The following CSF3R variants were observed in gnomAD, a reference collection of about 807,000 sequenced individuals.
The protein encoded by CSF3R is granulocyte colony-stimulating factor receptor.
A neutral mutation model predicts 84.4 loss-of-function variants in CSF3R; 52 were observed. That is an observed-to-expected ratio of 0.62 (90% confidence interval 0.49 to 0.78). CSF3R has a LOEUF of 0.78. Ranked by LOEUF, CSF3R falls within the 30% of genes least tolerant of loss-of-function variation. CSF3R has a pLI of 0.00. For missense variants in CSF3R, 890 were observed against 1,055.7 expected, an observed-to-expected ratio of 0.84 and a Z score of 2.17; for synonymous variants, 384 against 429.1, an observed-to-expected ratio of 0.89 and a Z score of 1.30.
rs1297043492 is a variant in CSF3R, at chr1:36,466,101, A to G, written c.*256T>C. 1.5e-5 allele frequency: 25 copies of G among 1,614,112 alleles called. No homozygotes were observed. Among genetic ancestry groups the G allele is most frequent in the Non-Finnish European group, 2.1e-5 (25 of 1,180,054 alleles). On this transcript the variant is annotated 3_prime_UTR_variant, in exon 17 of 17. Transcript: ENST00000373106. This position sits in a 1 kb window ranked among gnomAD's most constrained non-coding sequence, Gnocchi z 4.6. ...ACTGCAAACCAAAAACTAGTTTACAATACTGAAGTTATAGGAAACAAGCAC... is the reference window on the plus strand; with the variant it reads ...ACTGCAAACCAAAAACTAGTTTACAGTACTGAAGTTATAGGAAACAAGCAC...
chr1:36,475,778 TCACC>T, intron 3 of CSF3R, 105 bp from the exon 4 acceptor site: 1 of 1,166,026 alleles, frequency 8.6e-7, no homozygotes, highest in Non-Finnish European at 1.2e-6. Flanking sequence ...CCTTCCTGTC[TCACC>T]CTTCAAGATA....
rs544605647 is a variant in CSF3R at position 36,469,545 on chromosome 1, G to A, written c.1474+107C>T. ...GAACAACGAAGGATCAAGAAAGGCT[G>A]GAGAATCCATGTCTCTTGGGCAGTT... On this transcript the variant is annotated intron_variant, in intron 11 of 16. Coordinates refer to ENST00000373106, the MANE Select transcript of CSF3R (RefSeq NM_000760.4). 177 of 1,322,140 alleles carry A rather than the reference G, an allele frequency of 1.3e-4. 3 individuals carry two copies. Among genetic ancestry groups the A allele is most frequent in the South Asian group, 7.0e-4 (59 of 84,674 alleles). 81.9% of individuals were successfully genotyped at this position (1,322,140 alleles called of 1,614,324 possible).
rs1651124666 is a variant in CSF3R at position 36,475,980 on chromosome 1, C to T, written c.65-307G>A. 7 of 320,820 alleles carry T rather than the reference C, an allele frequency of 2.2e-5. No individual in the cohort carries two copies. The South Asian group carries it at 3.5e-4, about 16-fold the overall frequency. 19.9% of individuals were successfully genotyped at this position (320,820 alleles called of 1,614,324 possible). A position where few individuals can be genotyped will look rare whatever the true frequency, so the allele number is the denominator to read the frequency against. ...AGCTGATTTCAGCCTATTGATGTGA[C>T]ATCATTGATCGGGGAGTTGGGAAGA... is the stretch of plus-strand genomic sequence containing the variant. On this transcript the variant is annotated intron_variant, in intron 3 of 16. Coordinates refer to ENST00000373106, the MANE Select transcript of CSF3R (RefSeq NM_000760.4).
chr1:36,475,034 C>T (rs886582466), intron 4 of CSF3R, among the ~76,000 whole-genome samples: 14 of 147,804 alleles, frequency 9.5e-5, no homozygotes, highest in Non-Finnish European at 1.3e-4. Flanking sequence ...GACCAAGTTT[C>T]GCTTTTGTTG....
At chr1:36,480,481 A>C (rs1468976972) in intron 2 of CSF3R, among the ~76,000 whole-genome samples, 1 of 152,172 alleles carries the variant, frequency 6.6e-6, no homozygotes, top group Non-Finnish European at 1.5e-5. Flanking sequence ...AGTCTTAGGA[A>C]GTATGCAGAG....
chr1:36,471,976 A>G, intron 9 of CSF3R, 90 bp downstream of exon 9: 1 of 1,311,480 alleles, frequency 7.6e-7, no homozygotes, highest in Non-Finnish European at 1.1e-6. Context: ...CGCCTCCCAG[A>G]CCTGTTGGAG....
In CSF3R at chr1:36,469,778, C is replaced by T. The variant is rs766441662; in HGVS notation, c.1348G>A (p.Glu450Lys). The change falls in exon 11 of 17, where the codon GAG (glutamate) becomes AAG (lysine). Residue 450 changes from glutamate to lysine, a missense_variant. Coordinates refer to ENST00000373106, the MANE Select transcript of CSF3R (RefSeq NM_000760.4). ...RDPHSLWVGW[E>K]PPNPWPQGYV... is the part of the protein sequence containing the mutation. ...CCCTGAGGCCATGGATTGGGGGGCT[C>T]CCAGCCTACCCAGAGGCTGTGAGGG... is the stretch of plus-strand genomic sequence containing the variant. 6.8e-6 allele frequency: 11 copies of T among 1,614,134 alleles called. No homozygotes were observed. In the East Asian group the frequency reaches 8.9e-5, roughly 13 times the overall value.
Position 36,475,555 on chromosome 1 carries a change from A to G in CSF3R, c.183T>C (p.Ile61=), listed in dbSNP as rs1557597522. Reference sequence around the variant, plus strand: ...GAAGCTCTGCTCCCAGTCTCCACAGAATCTGTGGCTCCGGGTCCAGATGGC... The same window carrying G: ...GAAGCTCTGCTCCCAGTCTCCACAGGATCTGTGGCTCCGGGTCCAGATGGC... ...NCSHLDPEPQ[I]LWRLGAELQP... The change falls in exon 4 of 17, where the codon ATT becomes ATC. Residue 61 remains isoleucine, a synonymous_variant. Coordinates refer to ENST00000373106, the MANE Select transcript of CSF3R (RefSeq NM_000760.4). The G allele has an allele frequency of 8.7e-6, 14 of 1,613,876 alleles. No homozygotes were observed. Among genetic ancestry groups the G allele is most frequent in the Non-Finnish European group, 1.2e-5 (14 of 1,179,840 alleles).
rs757130621 is a variant in CSF3R at position 36,467,248 on chromosome 1, C to T, written c.2022G>A (p.Val674=). Residue 674 remains valine, a synonymous_variant, in exon 16 of 17, where the codon GTG becomes GTA. Coordinates refer to ENST00000373106, the MANE Select transcript of CSF3R (RefSeq NM_000760.4). This position sits in a 1 kb window ranked among gnomAD's most constrained non-coding sequence, Gnocchi z 4.1. ...TTCTCACCTCCTCCATGATTGTGGGCACCCAGGAGCCCAGGCTGCTGTGAG... is the reference window on the plus strand; with the variant it reads ...TTCTCACCTCCTCCATGATTGTGGGTACCCAGGAGCCCAGGCTGCTGTGAG... ...DPAHSSLGSW[V]PTIMEEDAFQ... The T allele has an allele frequency of 1.2e-6, 2 of 1,614,198 alleles. No homozygotes were observed. Among genetic ancestry groups the T allele is most frequent in the South Asian group, 1.1e-5 (1 of 91,084 alleles).
At position 36,466,363 on chromosome 1, in the gene CSF3R, G is replaced by T; in HGVS notation, c.2505C>A (p.Ser835Arg). The T allele has an allele frequency of 6.2e-7, 1 of 1,612,846 alleles. No individual in the cohort carries two copies. ...AAGGGAACCCCAGGAAGCCCTAGAA[G>T]CTCCCCAGCGCCTCCATCCCATGGA... is the stretch of plus-strand genomic sequence containing the variant. The part of the protein sequence containing the change: ...IRVHGMEALG[S>R]F Residue 835 changes from serine (S) to arginine (R), a missense_variant, in exon 17 of 17, where the codon AGC becomes AGA. Ser to Arg is a moderately radical substitution (Grantham distance 110). Coordinates refer to ENST00000373106, the MANE Select transcript of CSF3R (RefSeq NM_000760.4). The surrounding 1 kb of genome is among the most constrained non-coding windows in gnomAD (Gnocchi z 4.6).
chr1:36,472,531 C>A lies in CSF3R; in HGVS notation c.829G>T (p.Ala277Ser), dbSNP rs1650835178. Residue 277 changes from alanine (A) to serine (S), a missense_variant, in exon 7 of 17, where the codon GCC becomes TCC. Transcript: ENST00000373106. The surrounding 1 kb of genome is among the most constrained non-coding windows in gnomAD (Gnocchi z 5.0). The stretch of plus-strand genomic sequence containing the variant: ...CTCTGCCTCACCAGTGCCCAGCTGG[C>A]TTCTCCACGCTGCGGCTTGTGGCGC... ...ELRHKPQRGEASWALVGPLPL... is the reference protein window; with the variant it reads ...ELRHKPQRGESSWALVGPLPL... The A allele has an allele frequency of 6.2e-7, 1 of 1,614,088 alleles. No individual in the cohort carries two copies. The highest frequency in any genetic ancestry group is 1.3e-5 in the African/African-American group (1 of 74,934).
intron 11 of CSF3R, 132 bp downstream of exon 11, chr1:36,469,520 G>T: frequency 8.8e-7 from 1 of 1,142,690 alleles, no homozygotes; most frequent in Non-Finnish European, 1.3e-6. Flanking sequence ...TATGAAATGA[G>T]AACAACGAAG....
In CSF3R at chr1:36,472,537, C is replaced by T; in HGVS notation, c.823G>A (p.Gly275Arg). The T allele has an allele frequency of 6.2e-7, 1 of 1,614,214 alleles. No individual in the cohort carries two copies. Among genetic ancestry groups the T allele is most frequent in the Non-Finnish European group, 8.5e-7 (1 of 1,180,038 alleles). Reference protein sequence around the residue: ...KCELRHKPQRGEASWALVGPL... With the variant: ...KCELRHKPQRREASWALVGPL... ...CTCACCAGTGCCCAGCTGGCTTCTC[C>T]ACGCTGCGGCTTGTGGCGCAGCTCA... The change falls in exon 7 of 17, where the codon GGA becomes AGA. Residue 275 changes from glycine to arginine, a missense_variant. Coordinates refer to ENST00000373106, the MANE Select transcript of CSF3R (RefSeq NM_000760.4). This position sits in a 1 kb window ranked among gnomAD's most constrained non-coding sequence, Gnocchi z 5.0.
chr1:36,473,584 A>G lies in CSF3R; in HGVS notation c.524T>C (p.Leu175Pro), dbSNP rs377102404. 26 of 1,614,172 alleles carry G rather than the reference A, an allele frequency of 1.6e-5. No individual in the cohort carries two copies. The African/African-American group carries it at 2.3e-4, about 14-fold the overall frequency. Residue 175 changes from leucine (L) to proline (P), a missense_variant, in exon 6 of 17, where the codon CTG becomes CCG. Transcript: ENST00000373106. ...GNCQTQGDSI[L>P]DCVPKDGQSH... ...CTGCCCGTCCTTGGGCACGCAGTCC[A>G]GGATGGAGTCCCCTTGGGTCTGACA...
chr1:36,481,111 G>A (rs1477797988), intron 2 of CSF3R, among the ~76,000 whole-genome samples: 1 of 152,172 alleles, frequency 6.6e-6, no homozygotes, highest in Non-Finnish European at 1.5e-5. Flanking sequence ...CCCAGATTTT[G>A]GGACACTGGT....
chr1:36,474,348 C>G (rs998866898), intron 4 of CSF3R, among the ~76,000 whole-genome samples: 3 of 148,396 alleles, frequency 2.0e-5, no homozygotes, highest in Non-Finnish European at 3.0e-5. Flanking sequence ...GCCTAACTTA[C>G]AGGAAATGCT....
intron 10 of CSF3R, 59 bp downstream of exon 10, chr1:36,471,372 GTC>G (rs1650713392): frequency 6.6e-7 from 1 of 1,516,980 alleles, no homozygotes; most frequent in Middle Eastern, 1.8e-4. Context: ...AACCCAGGCA[GTC>G]TAGCCTTTGA....
rs752053097 is a variant in CSF3R at position 36,472,574 on chromosome 1, T to C, written c.786A>G (p.Ile262Met). 3.7e-6 allele frequency: 6 copies of C among 1,614,102 alleles called. No homozygotes were observed. Among genetic ancestry groups the C allele is most frequent in the Non-Finnish European group, 2.5e-6 (3 of 1,180,018 alleles). ...TGTGGCGCAGCTCACACTTCTGATT[T>C]ATGTGCAGGCCTGGCTGCCATGGCT... ...CWEPWQPGLH[I>M]NQKCELRHKP... is the part of the protein sequence containing the mutation. The change falls in exon 7 of 17, where the codon ATA becomes ATG. Residue 262 changes from isoleucine (I) to methionine (M), a missense_variant. Coordinates refer to ENST00000373106, the MANE Select transcript of CSF3R (RefSeq NM_000760.4). This position sits in a 1 kb window ranked among gnomAD's most constrained non-coding sequence, Gnocchi z 5.0.
chr1:36,477,417 C>A (rs181693660), intron 3 of CSF3R: 2 of 152,164 alleles, frequency 1.3e-5, no homozygotes, highest in African/African-American at 4.8e-5. Context: ...CACCACCATG[C>A]CCGGCTAATT....
Sources: allele counts gnomAD v4.1 joint callset (sites outside exome capture counted in the v4.1 genomes callset), GRCh38; gene constraint gnomAD v4.1.1; non-coding constraint Gnocchi (gnomAD v3.1); transcripts MANE v1.5; gene names NCBI Gene and HGNC (gene_info 2026-07-23, HGNC 2026-07-21).